The following RRP1B variants were observed in gnomAD, a reference collection of about 807,000 sequenced individuals.
RRP1B encodes the protein ribosomal RNA processing 1B, also known as ribosomal RNA processing protein 1 homolog B.
RRP1B carries 56 observed loss-of-function variants against 80.2 expected under a neutral mutation model. The ratio of observed to expected loss-of-function variants is 0.70; its 90% CI spans 0.56 to 0.87. The LOEUF (loss-of-function observed/expected upper bound fraction) is 0.87. RRP1B is among the 40% of genes least tolerant of loss of function. RRP1B has a pLI of 0.00. For missense variants in RRP1B, 807 were observed against 939.8 expected (o/e 0.86, Z 1.85); for synonymous variants, 351 against 357.6 (o/e 0.98, Z 0.21).
chr21:43,666,169 G>C (rs757405425), intron 1 of RRP1B, among the ~76,000 whole-genome samples: 4 of 152,238 alleles, frequency 2.6e-5, no homozygotes, highest in Non-Finnish European at 5.9e-5. Flanking sequence ...CACAGGACAG[G>C]TTCAAGAAAA....
Position 43,669,973 on chromosome 21 carries a change from T to C in RRP1B, c.213+7T>C, listed in dbSNP as rs1568955307. 2 of 1,589,754 alleles carry C rather than the reference T, an allele frequency of 1.3e-6. No homozygotes were observed. The highest frequency in any genetic ancestry group is 1.7e-6 in the Non-Finnish European group (2 of 1,161,020). Reference sequence around the variant, plus strand: ...GGATGAACCCCTTCTACAGGTAACATGCGTTCCCTTTGTCATGCTCCCGGG... The same window carrying C: ...GGATGAACCCCTTCTACAGGTAACACGCGTTCCCTTTGTCATGCTCCCGGG... On this transcript the variant is annotated splice_region_variant and intron_variant, in intron 2 of 15. Transcript: ENST00000340648.
rs2083102244 is a variant in RRP1B at position 43,695,075 on chromosome 21, G to A, written c.*1692G>A. ...GAAGTCTTACGTACAACATAGCTGT[G>A]GTGGCTTAATGGCTGCATTAGATAG... On this transcript the variant is annotated 3_prime_UTR_variant, in exon 16 of 16. Coordinates refer to ENST00000340648, the MANE Select transcript of RRP1B (RefSeq NM_015056.3). 1.6e-5 allele frequency: 1 copy of A among 62,702 alleles called. No individual in the cohort carries two copies. Among genetic ancestry groups the A allele is most frequent in the Non-Finnish European group, 2.6e-5 (1 of 39,164 alleles). 3.9% of individuals were successfully genotyped at this position (62,702 alleles called of 1,614,324 possible).
chr21:43,667,801 A>G (rs935012431), intron 1 of RRP1B, among the ~76,000 whole-genome samples: 2 of 152,256 alleles, frequency 1.3e-5, no homozygotes, highest in African/African-American at 4.8e-5. Context: ...CAAGAGGGCA[A>G]GAGAACCAGT....
chr21:43,693,511 A>C lies in RRP1B; in HGVS notation c.*128A>C. 1.1e-6 allele frequency: 1 copy of C among 934,158 alleles called. No individual in the cohort carries two copies. Among genetic ancestry groups the C allele is most frequent in the Non-Finnish European group, 1.5e-6 (1 of 659,432 alleles). The allele number at this position is 934,158 out of a possible 1,614,324, so 57.9% of individuals were successfully genotyped here. A position where few individuals can be genotyped will look rare whatever the true frequency, so the allele number is the denominator to read the frequency against. On this transcript the variant is annotated 3_prime_UTR_variant, in exon 16 of 16. Coordinates refer to ENST00000340648, the MANE Select transcript of RRP1B (RefSeq NM_015056.3). The surrounding 1 kb of genome is among the most constrained non-coding windows in gnomAD (Gnocchi z 4.1). ...TAAGTTGTGTGCACGAGGTTCTGAGAGTGCCCGCAGGCTGCTGCGTCCTGG... is the reference window on the plus strand; with the variant it reads ...TAAGTTGTGTGCACGAGGTTCTGAGCGTGCCCGCAGGCTGCTGCGTCCTGG...
In RRP1B at chr21:43,691,091, G is replaced by T. The variant is rs1390341185; in HGVS notation, c.2020-348G>T. 6.6e-6 allele frequency among the ~76,000 whole-genome samples: 1 copy of T among 152,202 alleles called. No individual in the cohort carries two copies. Among genetic ancestry groups the T allele is most frequent in the Non-Finnish European group, 1.5e-5 (1 of 68,036 alleles). On this transcript the variant is annotated intron_variant, in intron 14 of 15. Transcript: ENST00000340648. This position sits in a 1 kb window ranked among gnomAD's most constrained non-coding sequence, Gnocchi z 4.2. The stretch of plus-strand genomic sequence containing the variant: ...TCAGTGGTGAACTGTTTTTAGGACA[G>T]TTCAGGCATCCTCTCTGTTTGCCTT...
In RRP1B at chr21:43,691,641, T is replaced by A. The variant is rs758839278; in HGVS notation, c.2083+139T>A. Reference sequence around the variant, plus strand: ...ACTGCCCATTTCTTTATTTTTATTTTTTTTTTTTTTTTGAGACAGAGTCTC... The same window carrying A: ...ACTGCCCATTTCTTTATTTTTATTTATTTTTTTTTTTTGAGACAGAGTCTC... On this transcript the variant is annotated intron_variant, in intron 15 of 15. Coordinates refer to ENST00000340648, the MANE Select transcript of RRP1B (RefSeq NM_015056.3). The surrounding 1 kb of genome is among the most constrained non-coding windows in gnomAD (Gnocchi z 4.2). 549 of 573,234 alleles carry A rather than the reference T, an allele frequency of 9.6e-4. No individual in the cohort carries two copies. Among genetic ancestry groups the A allele is most frequent in the East Asian group, 4.3e-3 (137 of 31,790 alleles). The allele number at this position is 573,234 out of a possible 1,614,324, so 35.5% of individuals were successfully genotyped here. A position where few individuals can be genotyped will look rare whatever the true frequency, so the allele number is the denominator to read the frequency against.
At chr21:43,664,283 C>T (rs544562759) in intron 1 of RRP1B, among the ~76,000 whole-genome samples, 22 of 145,636 alleles carry the variant, frequency 1.5e-4, no homozygotes, top group Admixed American at 9.1e-4. Flanking sequence ...ACCAAGATCG[C>T]ACCATTGCAC....
At position 43,687,080 on chromosome 21, in the gene RRP1B, G is replaced by A. The variant is rs1004554225; in HGVS notation, c.1141+145G>A. On this transcript the variant is annotated intron_variant, in intron 12 of 15. Coordinates refer to ENST00000340648, the MANE Select transcript of RRP1B (RefSeq NM_015056.3). ...AGTCTTTAATGGCTGAGAGGTAAAG[G>A]CGGTTTTCCAAGTGTTGTGCTGTTT... is the stretch of plus-strand genomic sequence containing the variant. The A allele has an allele frequency of 6.0e-6, 6 of 993,258 alleles. No individual in the cohort carries two copies. In the South Asian group the frequency reaches 1.0e-4, roughly 17 times the overall value. The allele number at this position is 993,258 out of a possible 1,614,324, so 61.5% of individuals were successfully genotyped here.
At chr21:43,666,246 A>G (rs1339171521) in intron 1 of RRP1B, among the ~76,000 whole-genome samples, 2 of 152,214 alleles carry the variant, frequency 1.3e-5, no homozygotes, top group Non-Finnish European at 2.9e-5. Context: ...CTCTCTCCTT[A>G]CTGGACTTGA....
rs946720405 is a variant in RRP1B at position 43,683,197 on chromosome 21, A to G, written c.797-82A>G. On this transcript the variant is annotated intron_variant, in intron 8 of 15. Coordinates refer to ENST00000340648, the MANE Select transcript of RRP1B (RefSeq NM_015056.3). The stretch of plus-strand genomic sequence containing the variant: ...CTTCTTTTTTGCTAAGAGACACCTA[A>G]TTAGACAGTGGCTCCTGTGGAAGTA... 9.6e-6 allele frequency: 11 copies of G among 1,148,976 alleles called. No individual in the cohort carries two copies. The African/African-American group carries it at 1.5e-4, about 16-fold the overall frequency. The allele number at this position is 1,148,976 out of a possible 1,614,324, so 71.2% of individuals were successfully genotyped here. A position where few individuals can be genotyped will look rare whatever the true frequency, so the allele number is the denominator to read the frequency against.
chr21:43,687,158 G>A (rs1303840314), intron 12 of RRP1B, among the ~76,000 whole-genome samples: 1 of 152,154 alleles, frequency 6.6e-6, no homozygotes, highest in Non-Finnish European at 1.5e-5. Context: ...TGCTCTCCAG[G>A]GCACCTCTGC....
At chr21:43,674,935 A>G in intron 5 of RRP1B, 99 bp from the exon 6 acceptor site, 1 of 1,460,590 alleles carries the variant, frequency 6.8e-7, no homozygotes, top group East Asian at 2.3e-5. Flanking sequence ...ATTGATTGTT[A>G]GGCTGTGTAG....
Position 43,690,435 on chromosome 21 carries a change from G to A in RRP1B, c.2014G>A (p.Val672Ile), listed in dbSNP as rs142326213. The change falls in exon 14 of 16, where the codon GTC (valine) becomes ATC (isoleucine). Residue 672 changes from valine (V) to isoleucine (I), a missense_variant. Coordinates refer to ENST00000340648, the MANE Select transcript of RRP1B (RefSeq NM_015056.3). ...TGCCACCCACCCTCCAGGCCCTGCCGTCCAGGTACGCACCCTCCCCAGAGT... is the reference window on the plus strand; with the variant it reads ...TGCCACCCACCCTCCAGGCCCTGCCATCCAGGTACGCACCCTCCCCAGAGT... ...STATHPPGPAVQLNKTPSSSK... is the reference protein window; with the variant it reads ...STATHPPGPAIQLNKTPSSSK... 1,088 of 1,613,880 alleles carry A rather than the reference G, an allele frequency of 6.7e-4. 16 individuals carry two copies. In the South Asian group the frequency reaches 8.1e-3, roughly 12 times the overall value.
intron 13 of RRP1B, among the ~76,000 whole-genome samples, 197 bp from the exon 14 acceptor site, chr21:43,690,091 T>C (rs2838350): frequency 0.67 from 102,625 of 152,292 alleles, 35,008 homozygotes; most frequent in East Asian, 0.81. Flanking sequence ...CATGGTGCCA[T>C]GATAGCGGTC....
At position 43,693,180 on chromosome 21, in the gene RRP1B, T is replaced by C. The variant is rs1204250620; in HGVS notation, c.2084-10T>C. The C allele has an allele frequency of 6.2e-7, 1 of 1,613,828 alleles. No individual in the cohort carries two copies. The highest frequency in any genetic ancestry group is 8.5e-7 in the Non-Finnish European group (1 of 1,179,888). On this transcript the variant is annotated splice_polypyrimidine_tract_variant and intron_variant, in intron 15 of 15. Coordinates refer to ENST00000340648, the MANE Select transcript of RRP1B (RefSeq NM_015056.3). This position sits in a 1 kb window ranked among gnomAD's most constrained non-coding sequence, Gnocchi z 4.1. ...CACTTAATATGGGGCCTTGCTCTCA[T>C]TTGGGACAGAATTCAAGAAGACAGA...
chr21:43,693,270 C>G lies in RRP1B; in HGVS notation c.2164C>G (p.Leu722Val). 6.2e-7 allele frequency: 1 copy of G among 1,614,068 alleles called. No homozygotes were observed. Among genetic ancestry groups the G allele is most frequent in the Non-Finnish European group, 8.5e-7 (1 of 1,180,010 alleles). ...RVAFDPEQKPLHGVLKTPTSS... is the reference protein window; with the variant it reads ...RVAFDPEQKPVHGVLKTPTSS... ...GGCCTTCGACCCTGAACAGAAGCCCCTCCACGGGGTGCTGAAGACCCCCAC... is the reference window on the plus strand; with the variant it reads ...GGCCTTCGACCCTGAACAGAAGCCCGTCCACGGGGTGCTGAAGACCCCCAC... Residue 722 changes from leucine to valine, a missense_variant, in exon 16 of 16, where the codon CTC (leucine) becomes GTC (valine). Physicochemically the swap from Leu to Val is conservative, Grantham distance 32 (BLOSUM62 1). Transcript: ENST00000340648. The surrounding 1 kb of genome is among the most constrained non-coding windows in gnomAD (Gnocchi z 4.1).
chr21:43,686,902 CTT>C lies in RRP1B; in HGVS notation c.1111_1112del (p.Leu371ArgfsTer4). The part of the protein sequence containing the change: ...QGKHKKKGNK[L>X]LEKTNLEKEK... The stretch of plus-strand genomic sequence containing the variant: ...AAAGCATAAGAAGAAAGGAAATAAA[CTT>C]TTAGAGAAAACTAACTTGGAAAAGG... On this transcript the variant is annotated frameshift_variant, in exon 12 of 16. Coordinates refer to ENST00000340648, the MANE Select transcript of RRP1B (RefSeq NM_015056.3). LOFTEE classifies it high-confidence loss of function. 1 of 1,613,892 alleles carries C rather than the reference CTT, an allele frequency of 6.2e-7. No homozygotes were observed. Among genetic ancestry groups the C allele is most frequent in the Non-Finnish European group, 8.5e-7 (1 of 1,179,944 alleles).
Position 43,687,938 on chromosome 21 carries a change from A to G in RRP1B, c.1564A>G (p.Lys522Glu), listed in dbSNP as rs765653769. Reference protein sequence around the residue: ...GSPTGGAQLLKRKRKLGVVPV... With the variant: ...GSPTGGAQLLERKRKLGVVPV... ...CCCGACAGGTGGAGCCCAACTCCTA[A>G]AAAGGAAGCGGAAACTTGGAGTTGT... is the stretch of plus-strand genomic sequence containing the variant. The change falls in exon 13 of 16, where the codon AAA (lysine) becomes GAA (glutamate). Residue 522 changes from lysine to glutamate, a missense_variant. Physicochemically the swap from Lys to Glu is moderately conservative, Grantham distance 56 (BLOSUM62 1). Transcript: ENST00000340648. The G allele has an allele frequency of 4.3e-6, 7 of 1,613,242 alleles. No individual in the cohort carries two copies. The highest frequency in any genetic ancestry group is 1.7e-5 in the Admixed American group (1 of 60,024).
intron 1 of RRP1B, among the ~76,000 whole-genome samples, chr21:43,662,369 C>A (rs1016749932): frequency 6.6e-6 from 1 of 152,198 alleles, no homozygotes; most frequent in Non-Finnish European, 1.5e-5. Context: ...AAAATAACTC[C>A]GCAGCATGAA....
Sources: gnomAD v4.1 joint callset for allele counts (sites outside exome capture counted in the v4.1 genomes callset) on GRCh38, gnomAD v4.1.1 for gene constraint, Gnocchi (gnomAD v3.1) non-coding constraint, MANE v1.5 for transcripts, NCBI Gene and HGNC (gene_info 2026-07-23, HGNC 2026-07-21) for gene names.